Variants in CCDC91 observed in about 807,000 individuals in gnomAD.
The protein encoded by CCDC91 is coiled-coil domain-containing protein 91.
A neutral mutation model predicts 63.2 loss-of-function variants in CCDC91; 48 were observed. The observed-to-expected ratio is 0.76, with a 90% CI of 0.60 to 0.97. The LOEUF (loss-of-function observed/expected upper bound fraction) is 0.97, where lower values mean the gene tolerates loss of function less well. Ranked by LOEUF, CCDC91 falls within the 50% of genes least tolerant of loss-of-function variation. The probability of loss-of-function intolerance (pLI) is 0.00; values close to 1 mark genes in which losing one functional copy is unlikely to be tolerated. For synonymous variants in CCDC91, 167 were observed against 165.8 expected, an observed-to-expected ratio of 1.01 and a Z score of -0.06; for missense variants, 500 against 494.6, an observed-to-expected ratio of 1.01 and a Z score of -0.10.
chr12:28,306,770 A>C lies in CCDC91; in HGVS notation c.296A>C (p.Asp99Ala). The C allele has an allele frequency of 6.2e-7, 1 of 1,611,214 alleles. No homozygotes were observed. The highest frequency in any genetic ancestry group is 8.5e-7 in the Non-Finnish European group (1 of 1,178,350). ...CAGCAATCAACACACACTCATCTGG[A>C]TATCTCACTTTTTCCATTGGGTTTA... ...QIQQSTHTHL[D>A]ISLFPLGLTD... The change falls in exon 5 of 13, where the codon GAT (aspartate) becomes GCT (alanine). Residue 99 changes from aspartate (D) to alanine (A), a missense_variant. Physicochemically the swap from Asp to Ala is moderately radical, Grantham distance 126. Coordinates refer to ENST00000536442, the MANE Select transcript of CCDC91 (RefSeq NM_018318.5).
chr12:28,483,623 C>T (rs1296423973), intron 11 of CCDC91, among the ~76,000 whole-genome samples: 1 of 152,060 alleles, frequency 6.6e-6, no homozygotes, highest in Non-Finnish European at 1.5e-5. Context: ...AATCTTACCA[C>T]TCAGACCACA....
intron 1 of CCDC91, among the ~76,000 whole-genome samples, chr12:28,218,701 G>T (rs1308953609): frequency 8.0e-6 from 1 of 125,486 alleles, no homozygotes; most frequent in Non-Finnish European, 1.6e-5. Flanking sequence ...GCAGATGTTT[G>T]TGTGTGTGTG....
chr12:28,388,001 C>G (rs1228141883), intron 7 of CCDC91, among the ~76,000 whole-genome samples: 2 of 152,136 alleles, frequency 1.3e-5, no homozygotes, highest in Non-Finnish European at 2.9e-5. Context: ...TACATTCCCA[C>G]CAGCAGTGTA....
intron 12 of CCDC91, among the ~76,000 whole-genome samples, chr12:28,532,394 C>T (rs1245993434): frequency 6.6e-6 from 1 of 151,896 alleles, no homozygotes; most frequent in African/African-American, 2.4e-5. Context: ...AATTTAATGT[C>T]TAAAAGGGAT....
intron 6 of CCDC91, among the ~76,000 whole-genome samples, chr12:28,333,104 C>T (rs938862947): frequency 6.6e-6 from 1 of 152,012 alleles, no homozygotes; most frequent in African/African-American, 2.4e-5. Flanking sequence ...GAAAATTTTT[C>T]CCACTTTGGG....
chr12:28,223,998 A>G lies in CCDC91; in HGVS notation c.-14-33204A>G, dbSNP rs571211269. ...GCTTGTCTCAGAAAGCCTAAAGCGG[A>G]GTCTTTTACTTGGGGAATGCTTAAG... On this transcript the variant is annotated intron_variant, in intron 1 of 12. Coordinates refer to ENST00000536442, the MANE Select transcript of CCDC91 (RefSeq NM_018318.5). Among the ~76,000 whole-genome samples the G allele has an allele frequency of 3.2e-4, 49 of 152,262 alleles. No homozygotes were observed. In the South Asian group the frequency reaches 8.1e-3, roughly 25 times the overall value.
intron 8 of CCDC91, among the ~76,000 whole-genome samples, chr12:28,424,087 C>T (rs754696594): frequency 1.3e-5 from 2 of 152,076 alleles, no homozygotes; most frequent in African/African-American, 2.4e-5. Flanking sequence ...ACCACCAAGG[C>T]TAGCTAAATT....
At chr12:28,512,357 C>T (rs1323788684) in intron 12 of CCDC91, among the ~76,000 whole-genome samples, 3 of 151,796 alleles carry the variant, frequency 2.0e-5, no homozygotes, top group African/African-American at 7.3e-5. Flanking sequence ...TGATTTAGGA[C>T]AGAAATAAGT....
chr12:28,466,271 A>G (rs1046884277), intron 11 of CCDC91, among the ~76,000 whole-genome samples: 7 of 152,152 alleles, frequency 4.6e-5, no homozygotes, highest in African/African-American at 1.7e-4. Context: ...GGAGATAGAG[A>G]AAGAGATGGG....
chr12:28,346,557 G>A (rs1167157473), intron 6 of CCDC91, among the ~76,000 whole-genome samples: 2 of 152,074 alleles, frequency 1.3e-5, no homozygotes, highest in East Asian at 1.9e-4. Flanking sequence ...GAAATTTATT[G>A]AATTCGTTTT....
At position 28,279,923 on chromosome 12, in the gene CCDC91, G is replaced by A. The variant is rs533520673; in HGVS notation, c.109+20481G>A. Reference sequence around the variant, plus strand: ...TTCATACACTTTTGTTTATGCAGTCGGGTGTGGTCTAAAATATGATAACAT... The same window carrying A: ...TTCATACACTTTTGTTTATGCAGTCAGGTGTGGTCTAAAATATGATAACAT... On this transcript the variant is annotated intron_variant, in intron 3 of 12. Coordinates refer to ENST00000536442, the MANE Select transcript of CCDC91 (RefSeq NM_018318.5). Among the ~76,000 whole-genome samples, 167 of 152,074 alleles carry A rather than the reference G, an allele frequency of 1.1e-3. 1 individual carries two copies. The highest frequency in any genetic ancestry group is 3.4e-3 in the African/African-American group (141 of 41,510).
intron 12 of CCDC91, among the ~76,000 whole-genome samples, chr12:28,503,684 C>T (rs1017798182): frequency 6.6e-6 from 1 of 152,130 alleles, no homozygotes; most frequent in Non-Finnish European, 1.5e-5. Context: ...TGGAACCAAC[C>T]CAAATGTCCA....
intron 8 of CCDC91, among the ~76,000 whole-genome samples, chr12:28,429,714 TG>T (rs1329848219): frequency 6.6e-6 from 1 of 152,136 alleles, no homozygotes; most frequent in East Asian, 1.9e-4. Flanking sequence ...TAAATGCATG[TG>T]TATTTTTTCT....
chr12:28,299,353 G>A (rs912635062), intron 3 of CCDC91, among the ~76,000 whole-genome samples: 4 of 150,864 alleles, frequency 2.7e-5, no homozygotes, highest in Non-Finnish European at 4.4e-5. Context: ...TATTTATTTA[G>A]TGTTCTTTTT....
chr12:28,380,317 G>C (rs1945219998), intron 7 of CCDC91, among the ~76,000 whole-genome samples: 1 of 152,018 alleles, frequency 6.6e-6, no homozygotes, highest in Non-Finnish European at 1.5e-5. Context: ...AGAACTTAAA[G>C]TATAATAATA....
In CCDC91 at chr12:28,305,819, A is replaced by T. The variant is rs200192458; in HGVS notation, c.267+13A>T. The T allele has an allele frequency of 1.9e-6, 3 of 1,597,822 alleles. No homozygotes were observed. The highest frequency in any genetic ancestry group is 1.8e-5 in the Admixed American group (1 of 57,060). ...TCCAAAAGCACAGGTAAAGACAAACATATTTTTAAAGGAGGTTTGCATATT... is the reference window on the plus strand; with the variant it reads ...TCCAAAAGCACAGGTAAAGACAAACTTATTTTTAAAGGAGGTTTGCATATT... On this transcript the variant is annotated intron_variant, in intron 4 of 12. Coordinates refer to ENST00000536442, the MANE Select transcript of CCDC91 (RefSeq NM_018318.5).
At chr12:28,259,464 G>GTTTTTTT in intron 3 of CCDC91, 22 bp downstream of exon 3, 4 of 1,094,900 alleles carry the variant, frequency 3.7e-6, no homozygotes, top group Non-Finnish European at 3.9e-6. Flanking sequence ...CAGGAATTAG[G>GTTTTTTT]GTTTTTTTTT....
At chr12:28,267,765 ATAATTATATT>A (rs1364236891) in intron 3 of CCDC91, among the ~76,000 whole-genome samples, 2 of 58,390 alleles carry the variant, frequency 3.4e-5, no homozygotes, top group Admixed American at 3.1e-4. Context: ...ATAATTATAT[ATAATTATATT>A]ATTAATATAT....
At chr12:28,372,722 T>G (rs1944700029) in intron 7 of CCDC91, among the ~76,000 whole-genome samples, 4 of 151,902 alleles carry the variant, frequency 2.6e-5, no homozygotes, top group Admixed American at 6.6e-5. Context: ...AATCTAAGAG[T>G]TTTTTGGAGG....
Sources: gnomAD v4.1 joint callset for allele counts (sites outside exome capture counted in the v4.1 genomes callset) on GRCh38, gnomAD v4.1.1 for gene constraint, MANE v1.5 for transcripts, NCBI Gene and HGNC (gene_info 2026-07-23, HGNC 2026-07-21) for gene names.